NAALADL2: variants seen among roughly 807,000 people sequenced by gnomAD.
The protein encoded by NAALADL2 is N-acetylated alpha-linked acidic dipeptidase like 2, also known as inactive N-acetylated-alpha-linked acidic dipeptidase-like protein 2.
Under a neutral mutation model 87.2 loss-of-function variants are expected in NAALADL2, and 76 were observed. The ratio of observed to expected loss-of-function variants is 0.87; its 90% CI spans 0.72 to 1.05. The LOEUF is 1.05. Among genes scored for constraint, NAALADL2 ranks in the 50% least tolerant of loss-of-function variants. The pLI is 0.00. For synonymous variants in NAALADL2, 354 were observed against 331.0 expected (o/e 1.07, Z -0.75); for missense variants, 1,089 against 945.8 (o/e 1.15, Z -1.99).
At chr3:175,514,465 C>T (rs961156092) in intron 9 of NAALADL2, among the ~76,000 whole-genome samples, 11 of 152,054 alleles carry the variant, frequency 7.2e-5, no homozygotes. Flanking sequence ...TTTTAGGGGA[C>T]ATTATGTATG....
intron 10 of NAALADL2, among the ~76,000 whole-genome samples, chr3:175,598,974 T>G (rs1267332421): frequency 1.3e-5 from 2 of 152,130 alleles, no homozygotes; most frequent in African/African-American, 2.4e-5. Context: ...GAAGTTACAT[T>G]GTTTGGATCC....
chr3:175,488,115 C>T (rs1228359215), intron 9 of NAALADL2, among the ~76,000 whole-genome samples: 1 of 152,266 alleles, frequency 6.6e-6, no homozygotes, highest in East Asian at 1.9e-4. Flanking sequence ...AAACATTGCC[C>T]TTCATTGAAA....
At chr3:175,574,846 G>A (rs1169496768) in intron 9 of NAALADL2, among the ~76,000 whole-genome samples, 1 of 152,052 alleles carries the variant, frequency 6.6e-6, no homozygotes, top group Non-Finnish European at 1.5e-5. Flanking sequence ...TGATTCAAAG[G>A]CAAACATGGA....
At chr3:175,243,844 T>G (rs1389020894) in intron 3 of NAALADL2, among the ~76,000 whole-genome samples, 2 of 152,166 alleles carry the variant, frequency 1.3e-5, no homozygotes, top group Non-Finnish European at 2.9e-5. Flanking sequence ...TAAAGTTACC[T>G]TCTCCACAGA....
chr3:175,013,137 A>AT (rs1553916758), intron 1 of NAALADL2, among the ~76,000 whole-genome samples: 2 of 108,956 alleles, frequency 1.8e-5, no homozygotes, highest in Non-Finnish European at 3.9e-5. Flanking sequence ...TTTATATATA[A>AT]ATATGTAATA....
chr3:175,086,227 T>C (rs1187161489), intron 1 of NAALADL2, among the ~76,000 whole-genome samples: 1 of 152,132 alleles, frequency 6.6e-6, no homozygotes, highest in Non-Finnish European at 1.5e-5. Flanking sequence ...GTTTACAATA[T>C]ATCATTCTCA....
chr3:174,583,553 A>G (rs1716389306), intron 2 of NAALADL2, among the ~76,000 whole-genome samples: 1 of 152,176 alleles, frequency 6.6e-6, no homozygotes, highest in Non-Finnish European at 1.5e-5. Flanking sequence ...ATTACAGCAA[A>G]CACTGAACAG....
At chr3:175,693,184 T>C (rs753157042) in intron 11 of NAALADL2, among the ~76,000 whole-genome samples, 1 of 152,096 alleles carries the variant, frequency 6.6e-6, no homozygotes, top group Non-Finnish European at 1.5e-5. Flanking sequence ...GACAGGGAAA[T>C]TCATCCAAGC....
intron 5 of NAALADL2, among the ~76,000 whole-genome samples, chr3:175,433,324 T>C (rs1013042006): frequency 5.3e-5 from 8 of 151,984 alleles, no homozygotes; most frequent in Non-Finnish European, 7.4e-5. Flanking sequence ...TATAACATCA[T>C]TGGGTTGTGA....
intron 11 of NAALADL2, among the ~76,000 whole-genome samples, chr3:175,661,245 G>A (rs2149812309): frequency 6.6e-6 from 1 of 151,924 alleles, no homozygotes; most frequent in East Asian, 1.9e-4. Flanking sequence ...CCTGTTGATT[G>A]ATGTTGTTGA....
chr3:174,884,185 G>A (rs764787009), intron 1 of NAALADL2, among the ~76,000 whole-genome samples: 1 of 152,086 alleles, frequency 6.6e-6, no homozygotes, highest in Admixed American at 6.5e-5. Flanking sequence ...AATGTTAGTG[G>A]ATCACTAGGG....
chr3:174,543,876 C>T (rs1470524261), intron 1 of NAALADL2, among the ~76,000 whole-genome samples: 9 of 151,894 alleles, frequency 5.9e-5, no homozygotes, highest in South Asian at 2.1e-4. Flanking sequence ...AGCGTGGTGG[C>T]GTGCACCTGT....
At chr3:175,377,787 G>GA (rs1447703209) in intron 5 of NAALADL2, among the ~76,000 whole-genome samples, 2 of 152,196 alleles carry the variant, frequency 1.3e-5, no homozygotes, top group East Asian at 3.9e-4. Flanking sequence ...ACATTAGAAA[G>GA]AAGCAGCTTG....
At chr3:175,719,606 G>A (rs1047878980) in intron 11 of NAALADL2, among the ~76,000 whole-genome samples, 3 of 152,096 alleles carry the variant, frequency 2.0e-5, no homozygotes, top group Admixed American at 2.0e-4. Flanking sequence ...TTAAAACATA[G>A]AATAGGTCAT....
intron 1 of NAALADL2, among the ~76,000 whole-genome samples, chr3:175,027,914 C>T (rs1222096242): frequency 6.6e-6 from 1 of 151,162 alleles, no homozygotes; most frequent in Non-Finnish European, 1.5e-5. Context: ...GTTTTTAAAC[C>T]CTTTATCTTG....
chr3:174,616,301 T>C (rs145549906), intron 2 of NAALADL2, among the ~76,000 whole-genome samples: 2 of 151,998 alleles, frequency 1.3e-5, no homozygotes, highest in East Asian at 1.9e-4. Context: ...GAGACAGATA[T>C]ACATAAATAG....
chr3:174,710,696 G>T (rs1483623148), intron 2 of NAALADL2, among the ~76,000 whole-genome samples: 2 of 152,130 alleles, frequency 1.3e-5, no homozygotes, highest in African/African-American at 4.8e-5. Flanking sequence ...CAGCCTCTGC[G>T]AGCTGAGAGA....
intron 11 of NAALADL2, among the ~76,000 whole-genome samples, chr3:175,640,600 G>A (rs1045487809): frequency 6.6e-6 from 1 of 151,998 alleles, no homozygotes; most frequent in Non-Finnish European, 1.5e-5. Context: ...TTTACTCCAC[G>A]ATGCCTTTTT....
intron 12 of NAALADL2, among the ~76,000 whole-genome samples, chr3:175,738,816 C>A (rs1420382010): frequency 2.0e-5 from 3 of 152,158 alleles, no homozygotes; most frequent in Non-Finnish European, 4.4e-5. Context: ...TCTACTGTAG[C>A]AGTCACTCTG....
Sources: gnomAD v4.1 joint callset for allele counts (sites outside exome capture counted in the v4.1 genomes callset) on GRCh38, gnomAD v4.1.1 for gene constraint, MANE v1.5 for transcripts, NCBI Gene and HGNC (gene_info 2026-07-23, HGNC 2026-07-21) for gene names.